The following CADPS variants were observed in gnomAD, a reference collection of about 807,000 sequenced individuals.
The protein encoded by CADPS is calcium-dependent secretion activator 1.
In CADPS, 57 loss-of-function variants were observed where a neutral mutation model predicts 167.3. The observed-to-expected ratio is 0.34, with a 90% confidence interval of 0.28 to 0.42. The LOEUF (loss-of-function observed/expected upper bound fraction) is 0.42. Among genes scored for constraint, CADPS ranks in the 20% least tolerant of loss-of-function variants. The pLI is 1.00. For missense variants in CADPS, 1,414 were observed against 1,738.1 expected (o/e 0.81, Z 3.32); for synonymous variants, 676 against 635.3 (o/e 1.06, Z -0.96).
chr3:62,525,659 G>A (rs1354478795), intron 13 of CADPS, among the ~76,000 whole-genome samples: 2 of 144,530 alleles, frequency 1.4e-5, no homozygotes, highest in Non-Finnish European at 3.0e-5. Flanking sequence ...GGGTTGAGAA[G>A]CACCGGATGT....
At chr3:62,825,273 T>A (rs1338191558) in intron 1 of CADPS, among the ~76,000 whole-genome samples, 1 of 152,114 alleles carries the variant, frequency 6.6e-6, no homozygotes, top group East Asian at 1.9e-4. Context: ...CAAAGTCAGA[T>A]ATGTTATTAG....
chr3:62,743,753 G>C (rs577046233), intron 3 of CADPS, among the ~76,000 whole-genome samples: 1 of 152,268 alleles, frequency 6.6e-6, no homozygotes, highest in South Asian at 2.1e-4. Context: ...ACAAACCTAA[G>C]TAGTCTCCAT....
chr3:62,664,591 A>C (rs1323714790), intron 3 of CADPS, among the ~76,000 whole-genome samples: 1 of 152,248 alleles, frequency 6.6e-6, no homozygotes, highest in Non-Finnish European at 1.5e-5. Context: ...CACTGGGAAC[A>C]CTCAGAAATG....
chr3:62,629,223 C>G (rs1326674748), intron 6 of CADPS, among the ~76,000 whole-genome samples: 1 of 152,058 alleles, frequency 6.6e-6, no homozygotes, highest in African/African-American at 2.4e-5. Context: ...TTGCTGTACT[C>G]CAATTTTAGA....
chr3:62,866,252 A>G (rs2081653480), intron 1 of CADPS, among the ~76,000 whole-genome samples: 1 of 152,066 alleles, frequency 6.6e-6, no homozygotes, highest in East Asian at 1.9e-4. Context: ...GCCATTTGGT[A>G]ATTGGTTCAC....
At chr3:62,436,213 CAATT>C (rs1396707250) in intron 28 of CADPS, among the ~76,000 whole-genome samples, 9 of 152,042 alleles carry the variant, frequency 5.9e-5, no homozygotes, top group African/African-American at 2.2e-4. Context: ...GATTATTTGT[CAATT>C]AAGTAACAAG....
At chr3:62,434,343 C>T (rs1011851126) in intron 28 of CADPS, among the ~76,000 whole-genome samples, 1 of 152,126 alleles carries the variant, frequency 6.6e-6, no homozygotes, top group Non-Finnish European at 1.5e-5. Context: ...CGATTCTTTT[C>T]TGATCAGCAC....
chr3:62,409,394 C>T (rs535740116), intron 28 of CADPS, among the ~76,000 whole-genome samples: 32 of 152,206 alleles, frequency 2.1e-4, no homozygotes, highest in Non-Finnish European at 4.4e-4. Context: ...TCTCTTAGAG[C>T]CTGAGCTTGG....
chr3:62,653,784 A>G (rs755276928), intron 4 of CADPS, among the ~76,000 whole-genome samples: 2 of 152,152 alleles, frequency 1.3e-5, no homozygotes, highest in Non-Finnish European at 2.9e-5. Flanking sequence ...AAGAACACCG[A>G]GATTCTGCTT....
At chr3:62,462,164 T>C (rs2059426949) in intron 26 of CADPS, among the ~76,000 whole-genome samples, 1 of 152,170 alleles carries the variant, frequency 6.6e-6, no homozygotes, top group African/African-American at 2.4e-5. Context: ...TCAAGGGAAA[T>C]GGGCAGATAG....
At chr3:62,698,837 T>C (rs1287755424) in intron 3 of CADPS, among the ~76,000 whole-genome samples, 1 of 143,052 alleles carries the variant, frequency 7.0e-6, no homozygotes, top group African/African-American at 2.6e-5. Flanking sequence ...CCTTCTGGGC[T>C]CAAGCAATCC....
In CADPS at chr3:62,793,569, C is replaced by A. The variant is rs535990223; in HGVS notation, c.442-27585G>T. 1.0e-3 allele frequency among the ~76,000 whole-genome samples: 156 copies of A among 152,316 alleles called. 1 individual carries two copies. The highest frequency in any genetic ancestry group is 2.2e-3 in the Non-Finnish European group (152 of 68,030). ...AATGACTGTACCAAGTAACTGGGTT[C>A]TTTCCTCTGACTCATCCTGACCCCA... On this transcript the variant is annotated intron_variant, in intron 1 of 29. Transcript: ENST00000383710.
chr3:62,533,173 C>A, intron 12 of CADPS, 115 bp from the exon 13 acceptor site: 1 of 816,210 alleles, frequency 1.2e-6, no homozygotes, highest in Non-Finnish European at 1.9e-6. Flanking sequence ...GCTAACACTC[C>A]TTGATTGCCT....
intron 1 of CADPS, among the ~76,000 whole-genome samples, chr3:62,820,828 G>A (rs2094880508): frequency 7.3e-6 from 1 of 136,952 alleles, no homozygotes; most frequent in Non-Finnish European, 1.5e-5. Context: ...TCGAGTCAGA[G>A]TCTTGCTCTG....
At chr3:62,405,433 C>T (rs1440511219) in intron 28 of CADPS, among the ~76,000 whole-genome samples, 1 of 141,644 alleles carries the variant, frequency 7.1e-6, no homozygotes, top group Non-Finnish European at 1.5e-5. Context: ...TGCTGAGAGA[C>T]GTGCCACCTT....
Position 62,407,697 on chromosome 3 carries a change from T to G in CADPS, c.3778-4512A>C, listed in dbSNP as rs1465751129. On this transcript the variant is annotated intron_variant, in intron 28 of 29. Coordinates refer to ENST00000383710, the MANE Select transcript of CADPS (RefSeq NM_003716.4). ...CTCAATAAAATTTACCCACTGTTGT[T>G]ATTCCTCTCAGAAACATCATGGATA... Among the ~76,000 whole-genome samples the G allele has an allele frequency of 2.6e-5, 4 of 152,204 alleles. No individual in the cohort carries two copies. The East Asian group carries it at 7.7e-4, about 29-fold the overall frequency.
chr3:62,550,962 GCTC>G, intron 10 of CADPS: 2 of 456,066 alleles, frequency 4.4e-6, no homozygotes, highest in Non-Finnish European at 8.8e-6. Flanking sequence ...TTGTCTGGTG[GCTC>G]CTCCTCCTCC....
At chr3:62,692,807 G>A (rs1271536399) in intron 3 of CADPS, among the ~76,000 whole-genome samples, 1 of 151,948 alleles carries the variant, frequency 6.6e-6, no homozygotes, top group African/African-American at 2.4e-5. Flanking sequence ...ATTAGGATCA[G>A]TTTGAATTTT....
rs778234281 is a variant in CADPS at position 62,400,616 on chromosome 3, T to TTTC, written c.3883-1032_3883-1031insGAA. 6.2e-3 allele frequency among the ~76,000 whole-genome samples: 921 copies of TTTC among 148,454 alleles called. 9 individuals carry two copies. The highest frequency in any genetic ancestry group is 0.022 in the African/African-American group (874 of 40,578). On this transcript the variant is annotated intron_variant, in intron 29 of 29. Transcript: ENST00000383710. ...TTTTTTTTTTCTTTTTTTTTTTTTTTCAAGATGGCATCTTGCTCTGTCACC... is the reference window on the plus strand; with the variant it reads ...TTTTTTTTTTCTTTTTTTTTTTTTTTTTCCAAGATGGCATCTTGCTCTGTCACC...
Sources: allele counts gnomAD v4.1 joint callset (sites outside exome capture counted in the v4.1 genomes callset), GRCh38; gene constraint gnomAD v4.1.1; transcripts MANE v1.5; gene names NCBI Gene and HGNC (gene_info 2026-07-23, HGNC 2026-07-21).